The following PADI1 variants were observed in gnomAD, a reference collection of about 807,000 sequenced individuals.
PADI1 encodes protein-arginine deiminase type-1.
In PADI1, 65 loss-of-function variants were observed where a neutral mutation model predicts 74.8. The observed-to-expected ratio is 0.87, with a 90% CI of 0.71 to 1.07. PADI1 has a LOEUF of 1.07. Ranked by LOEUF, PADI1 falls within the 50% of genes least tolerant of loss-of-function variation. PADI1 has a pLI of 0.00. For synonymous variants in PADI1, 371 were observed against 336.2 expected, an observed-to-expected ratio of 1.10 and a Z score of -1.13; for missense variants, 943 against 854.0, an observed-to-expected ratio of 1.10 and a Z score of -1.30.
chr1:17,210,184 G>A (rs554562480), intron 1 of PADI1, among the ~76,000 whole-genome samples: 3 of 151,860 alleles, frequency 2.0e-5, no homozygotes, highest in East Asian at 1.9e-4. Flanking sequence ...TTGAGACAAG[G>A]TCTCGTTCTG....
At chr1:17,230,294 T>C (rs1433229507) in intron 9 of PADI1, 86 bp downstream of exon 9, 3 of 1,509,370 alleles carry the variant, frequency 2.0e-6, no homozygotes, top group African/African-American at 2.8e-5. Flanking sequence ...CCAGTGTCGC[T>C]AGAGAAGCCA....
intron 6 of PADI1, among the ~76,000 whole-genome samples, chr1:17,227,645 C>T (rs551740816): frequency 6.6e-6 from 1 of 152,324 alleles, no homozygotes; most frequent in Non-Finnish European, 1.5e-5. Flanking sequence ...GCTTCTACCC[C>T]TTCCCGATTC....
At chr1:17,222,684 C>T (rs755639400) in intron 2 of PADI1, among the ~76,000 whole-genome samples, 5 of 152,188 alleles carry the variant, frequency 3.3e-5, no homozygotes, top group African/African-American at 9.7e-5. Flanking sequence ...CACATGTACA[C>T]GTGAGTACTC....
chr1:17,233,033 G>C, intron 11 of PADI1, 63 bp downstream of exon 11: 1 of 1,395,494 alleles, frequency 7.2e-7, no homozygotes, highest in Admixed American at 2.5e-5. Flanking sequence ...CACCCTCCCT[G>C]TGCCCCCATC....
chr1:17,235,714 T>C (rs2072626242), intron 11 of PADI1, among the ~76,000 whole-genome samples: 1 of 152,016 alleles, frequency 6.6e-6, no homozygotes, highest in East Asian at 1.9e-4. Context: ...GGCTCCTTGG[T>C]GTTCTCCAAG....
intron 1 of PADI1, among the ~76,000 whole-genome samples, chr1:17,215,353 G>T (rs1049404838): frequency 6.6e-6 from 1 of 151,906 alleles, no homozygotes; most frequent in African/African-American, 2.4e-5. Context: ...CAGAGAAATT[G>T]TACCTGTCAT....
At chr1:17,224,458 C>T (rs202054770) in intron 4 of PADI1, 30 bp downstream of exon 4, 61 of 1,589,180 alleles carry the variant, frequency 3.8e-5, no homozygotes, top group Non-Finnish European at 4.5e-5. Context: ...CCCAAGGCTG[C>T]GGGGTTGAAA....
Position 17,213,349 on chromosome 1 carries a change from G to A in PADI1, c.92+8040G>A, listed in dbSNP as rs76810955. ...CCAGACCCCTGCAACTGAGCTCCCC[G>A]CGGCCTGGGCATAATCAGTACTGCA... is the stretch of plus-strand genomic sequence containing the variant. On this transcript the variant is annotated intron_variant, in intron 1 of 15. Transcript: ENST00000375471. Among the ~76,000 whole-genome samples the A allele has an allele frequency of 7.6e-3, 1,161 of 152,208 alleles. 28 individuals carry two copies. Among genetic ancestry groups the A allele is most frequent in the East Asian group, 0.054 (279 of 5,176 alleles).
chr1:17,228,641 G>A lies in PADI1; in HGVS notation c.669G>A (p.Ser223=), dbSNP rs757689679. ...VFCARGGNSL[S]DYKQVLGPQC... ...TCTTCCTAGGTGGGAATTCTCTCTC[G>A]GACTACAAACAGGTGCTGGGGCCCC... The change falls in exon 7 of 16, where the codon TCG becomes TCA. Residue 223 remains serine, a synonymous_variant. Transcript: ENST00000375471. 35 of 1,614,042 alleles carry A rather than the reference G, an allele frequency of 2.2e-5. No individual in the cohort carries two copies. The highest frequency in any genetic ancestry group is 8.3e-5 in the Admixed American group (5 of 60,002).
chr1:17,245,339 C>T lies in PADI1; in HGVS notation c.*1096C>T, dbSNP rs1349017070. 2 of 152,664 alleles carry T rather than the reference C, an allele frequency of 1.3e-5. No individual in the cohort carries two copies. The highest frequency in any genetic ancestry group is 6.5e-5 in the Admixed American group (1 of 15,288). The allele number at this position is 152,664 out of a possible 1,614,324, so 9.5% of individuals were successfully genotyped here. On this transcript the variant is annotated 3_prime_UTR_variant, in exon 16 of 16. Transcript: ENST00000375471. The surrounding 1 kb of genome is among the most constrained non-coding windows in gnomAD (Gnocchi z 4.1). ...TTAGGTTTCATCCCTGAATAAACCG[C>T]TGTGCAGGCCCATGTCCCCTCCCAC...
At chr1:17,218,242 A>G (rs1326793707) in intron 1 of PADI1, among the ~76,000 whole-genome samples, 1 of 152,242 alleles carries the variant, frequency 6.6e-6, no homozygotes, top group African/African-American at 2.4e-5. Context: ...AACACATTTT[A>G]CAATAAAGAA....
chr1:17,244,695 G>T lies in PADI1; in HGVS notation c.*452G>T, dbSNP rs1382008704. The T allele has an allele frequency of 5.7e-6, 2 of 350,984 alleles. No individual in the cohort carries two copies. Among genetic ancestry groups the T allele is most frequent in the East Asian group, 1.5e-4 (2 of 13,322 alleles). The allele number at this position is 350,984 out of a possible 1,614,324, so 21.7% of individuals were successfully genotyped here. A position where few individuals can be genotyped will look rare whatever the true frequency, so the allele number is the denominator to read the frequency against. Reference sequence around the variant, plus strand: ...GGCTGCCTCTGCTCTTGGAAAACTAGGAAAGGGGATCAGAAACATCCTCTC... The same window carrying T: ...GGCTGCCTCTGCTCTTGGAAAACTATGAAAGGGGATCAGAAACATCCTCTC... On this transcript the variant is annotated 3_prime_UTR_variant, in exon 16 of 16. Coordinates refer to ENST00000375471, the MANE Select transcript of PADI1 (RefSeq NM_013358.3).
In PADI1 at chr1:17,244,533, G is replaced by A; in HGVS notation, c.*290G>A. 2.0e-6 allele frequency: 1 copy of A among 503,594 alleles called. No individual in the cohort carries two copies. Among genetic ancestry groups the A allele is most frequent in the Non-Finnish European group, 3.9e-6 (1 of 259,002 alleles). The allele number at this position is 503,594 out of a possible 1,614,324, so 31.2% of individuals were successfully genotyped here. ...TTAGCATGTTCCAGAATGGCTGTGGGAGGCCTAGGGAGATGGGCCCCACTT... is the reference window on the plus strand; with the variant it reads ...TTAGCATGTTCCAGAATGGCTGTGGAAGGCCTAGGGAGATGGGCCCCACTT... On this transcript the variant is annotated 3_prime_UTR_variant, in exon 16 of 16. Transcript: ENST00000375471.
At chr1:17,219,465 G>T (rs995210589) in intron 1 of PADI1, among the ~76,000 whole-genome samples, 1 of 152,124 alleles carries the variant, frequency 6.6e-6, no homozygotes, top group Admixed American at 6.5e-5. Context: ...GCAGTTTTTT[G>T]ATAATAACAT....
chr1:17,208,371 C>T (rs1283293391), intron 1 of PADI1, among the ~76,000 whole-genome samples: 3 of 152,110 alleles, frequency 2.0e-5, no homozygotes, highest in Non-Finnish European at 4.4e-5. Context: ...CTGCAGGTCC[C>T]ATCCCCACAC....
chr1:17,227,032 A>T (rs1192335278), intron 6 of PADI1, among the ~76,000 whole-genome samples: 106 of 143,696 alleles, frequency 7.4e-4, no homozygotes, highest in African/African-American at 1.5e-3. Flanking sequence ...ACTCTGTCTA[A>T]AAAAAAAAAA....
At position 17,244,125 on chromosome 1, in the gene PADI1, T is replaced by C. The variant is rs2072832614; in HGVS notation, c.1874T>C (p.Leu625Pro). 5.6e-6 allele frequency: 9 copies of C among 1,614,118 alleles called. No individual in the cohort carries two copies. Among genetic ancestry groups the C allele is most frequent in the Non-Finnish European group, 6.8e-6 (8 of 1,180,036 alleles). Residue 625 changes from leucine (L) to proline (P), a missense_variant, in exon 16 of 16, where the codon CTG becomes CCG. Leu to Pro is a moderately conservative substitution (Grantham distance 98). Transcript: ENST00000375471. ...CAGTCCCTGCTGGAGCCTCTGGGCCTGCACTGCATCTTCATTGATGACTAC... is the reference window on the plus strand; with the variant it reads ...CAGTCCCTGCTGGAGCCTCTGGGCCCGCACTGCATCTTCATTGATGACTAC... ...KVQSLLEPLG[L>P]HCIFIDDYLS... is the part of the protein sequence containing the mutation.
In PADI1 at chr1:17,244,110, T is replaced by C. The variant is rs558323629; in HGVS notation, c.1859T>C (p.Leu620Pro). Reference protein sequence around the residue: ...CCLEEKVQSLLEPLGLHCIFI... With the variant: ...CCLEEKVQSLPEPLGLHCIFI... ...CTGGAGGAGAAGGTGCAGTCCCTGC[T>C]GGAGCCTCTGGGCCTGCACTGCATC... Residue 620 changes from leucine (L) to proline (P), a missense_variant, in exon 16 of 16, where the codon CTG becomes CCG. Leu to Pro is a moderately conservative substitution (Grantham distance 98). Coordinates refer to ENST00000375471, the MANE Select transcript of PADI1 (RefSeq NM_013358.3). 2.1e-5 allele frequency: 34 copies of C among 1,614,236 alleles called. No individual in the cohort carries two copies. The South Asian group carries it at 3.3e-4, about 16-fold the overall frequency.
At position 17,212,351 on chromosome 1, in the gene PADI1, G is replaced by A. The variant is rs185959924; in HGVS notation, c.92+7042G>A. ...TGCCTGCTCTTCAGCCTTTTCGTCC[G>A]ATTCTGCCTGATTCTCCCCCTCCTG... is the stretch of plus-strand genomic sequence containing the variant. On this transcript the variant is annotated intron_variant, in intron 1 of 15. Transcript: ENST00000375471. Among the ~76,000 whole-genome samples the A allele has an allele frequency of 3.9e-5, 6 of 152,238 alleles. No individual in the cohort carries two copies. The South Asian group carries it at 6.2e-4, about 16-fold the overall frequency.
Sources: gnomAD v4.1 joint callset for allele counts (sites outside exome capture counted in the v4.1 genomes callset) on GRCh38, gnomAD v4.1.1 for gene constraint, Gnocchi (gnomAD v3.1) non-coding constraint, MANE v1.5 for transcripts, NCBI Gene and HGNC (gene_info 2026-07-23, HGNC 2026-07-21) for gene names.